Variants in ADNP2 observed in about 807,000 individuals in gnomAD.
The protein encoded by ADNP2 is activity-dependent neuroprotector homeobox protein 2.
Under a neutral mutation model 16.4 loss-of-function variants are expected in ADNP2, and 8 were observed. That is an observed-to-expected ratio of 0.49 (90% CI 0.29 to 0.88). The LOEUF is 0.88. Among genes scored for constraint, ADNP2 ranks in the 40% least tolerant of loss-of-function variants. The pLI, the probability that ADNP2 is intolerant of heterozygous loss-of-function variation, is 0.09. For synonymous variants in ADNP2, 637 were observed against 545.8 expected, an observed-to-expected ratio of 1.17 and a Z score of -2.33; for missense variants, 1,397 against 1,395.1, an observed-to-expected ratio of 1.00 and a Z score of -0.02.
In ADNP2 at chr18:80,109,296, G is replaced by A. The variant is rs958230600; in HGVS notation, c.-190G>A. 1.8e-4 allele frequency: 27 copies of A among 151,830 alleles called. No homozygotes were observed. Among genetic ancestry groups the A allele is most frequent in the African/African-American group, 6.5e-4 (27 of 41,522 alleles). 9.4% of individuals were successfully genotyped at this position (151,830 alleles called of 1,614,324 possible). A position where few individuals can be genotyped will look rare whatever the true frequency, so the allele number is the denominator to read the frequency against. On this transcript the variant is annotated 5_prime_UTR_variant, in exon 1 of 4. Transcript: ENST00000262198. Reference sequence around the variant, plus strand: ...CCATTTTCTCTTTCTGGCTGCGCGGGAGGAGGGGACCAGTCGCGCTGGGGG... The same window carrying A: ...CCATTTTCTCTTTCTGGCTGCGCGGAAGGAGGGGACCAGTCGCGCTGGGGG...
In ADNP2 at chr18:80,117,570, G is replaced by T; in HGVS notation, c.28G>T (p.Asp10Tyr). The T allele has an allele frequency of 1.3e-6, 2 of 1,593,970 alleles. No homozygotes were observed. The highest frequency in any genetic ancestry group is 1.1e-5 in the South Asian group (1 of 87,070). ...GTTTCAAATTCCTGTGGAAAATCTT[G>T]ACAACATCAGAAAGGTGCGAAAAAA... MFQIPVENL[D>Y]NIRKVRKKVK... The change falls in exon 2 of 4, where the codon GAC (aspartate) becomes TAC (tyrosine). Residue 10 changes from aspartate to tyrosine, a missense_variant. Around this residue, in one of 3 missense-constraint regions of ADNP2, gnomAD observed 777 missense variants for 719.4 expected, o/e 1.08. Transcript: ENST00000262198.
intron 2 of ADNP2, among the ~76,000 whole-genome samples, chr18:80,128,474 A>T (rs1006256789): frequency 6.6e-6 from 1 of 151,982 alleles, no homozygotes; most frequent in African/African-American, 2.4e-5. Flanking sequence ...ACATGGTGAA[A>T]CCCCGTCTCT....
chr18:80,121,477 T>C (rs186829650), intron 2 of ADNP2, among the ~76,000 whole-genome samples: 62 of 152,364 alleles, frequency 4.1e-4, no homozygotes, highest in East Asian at 1.9e-4. Flanking sequence ...ATATATTTTC[T>C]TCTACAGGTT....
chr18:80,113,959 C>T (rs11663387), intron 1 of ADNP2, among the ~76,000 whole-genome samples: 27,451 of 151,774 alleles, frequency 0.18, 2,751 homozygotes, highest in Middle Eastern at 0.25. Flanking sequence ...GAGAGGCTGA[C>T]GGGGAGGATT....
chr18:80,109,516 C>T (rs1171179432), intron 1 of ADNP2, 44 bp downstream of exon 1: 1 of 147,820 alleles, frequency 6.8e-6, no homozygotes, highest in Non-Finnish European at 1.5e-5. Context: ...GGCGACGCCC[C>T]CTGCCCCGGT....
Position 80,138,045 on chromosome 18 carries a change from C to G in ADNP2, c.2632C>G (p.Pro878Ala). ...CACCGGCAAGCGAGTGTCCACCTGC[C>G]CCTTTTGCTTTGGCCCCTTTGTGAC... Reference protein sequence around the residue: ...GSTGKRVSTCPFCFGPFVTTE... With the variant: ...GSTGKRVSTCAFCFGPFVTTE... Residue 878 changes from proline to alanine, a missense_variant, in exon 4 of 4, where the codon CCC becomes GCC. By Grantham distance (27) the Pro-to-Ala change is conservative. Transcript: ENST00000262198. 6.2e-7 allele frequency: 1 copy of G among 1,613,826 alleles called. No homozygotes were observed. The highest frequency in any genetic ancestry group is 8.5e-7 in the Non-Finnish European group (1 of 1,180,030).
Position 80,137,331 on chromosome 18 carries a change from C to T in ADNP2, c.1918C>T (p.Pro640Ser). 6.2e-7 allele frequency: 1 copy of T among 1,613,968 alleles called. No homozygotes were observed. The highest frequency in any genetic ancestry group is 8.5e-7 in the Non-Finnish European group (1 of 1,179,926). Residue 640 changes from proline (P) to serine (S), a missense_variant, in exon 4 of 4, where the codon CCC becomes TCC. Physicochemically the swap from Pro to Ser is moderately conservative, Grantham distance 74. Coordinates refer to ENST00000262198, the MANE Select transcript of ADNP2 (RefSeq NM_014913.4). The surrounding 1 kb of genome is among the most constrained non-coding windows in gnomAD (Gnocchi z 4.2). ...GLATVAPPQM[P>S]IQLLPSGAAA... is the part of the protein sequence containing the mutation. ...TGCGACTGTCGCTCCGCCCCAGATG[C>T]CCATCCAGCTCCTGCCGTCAGGTGC...
At chr18:80,130,721 G>A (rs1175415230) in intron 2 of ADNP2, among the ~76,000 whole-genome samples, 1 of 151,684 alleles carries the variant, frequency 6.6e-6, no homozygotes, top group Non-Finnish European at 1.5e-5. Flanking sequence ...TCCCTGTCAT[G>A]TTAGCCACCC....
At chr18:80,123,038 T>C (rs2052434942) in intron 2 of ADNP2, among the ~76,000 whole-genome samples, 1 of 152,174 alleles carries the variant, frequency 6.6e-6, no homozygotes, top group African/African-American at 2.4e-5. Context: ...TTGGATTTTA[T>C]CAGATCCCTT....
intron 2 of ADNP2, among the ~76,000 whole-genome samples, chr18:80,129,533 C>T (rs1022144557): frequency 6.6e-6 from 1 of 152,168 alleles, no homozygotes; most frequent in Non-Finnish European, 1.5e-5. Context: ...CAGAGATGCC[C>T]CTCCTTCCAG....
rs368327429 is a variant in ADNP2, at chr18:80,137,032, C to G, written c.1619C>G (p.Ser540Cys). 6.2e-7 allele frequency: 1 copy of G among 1,614,034 alleles called. No individual in the cohort carries two copies. Among genetic ancestry groups the G allele is most frequent in the African/African-American group, 1.3e-5 (1 of 74,914 alleles). ...GTGCCTGTAAACCAGGGTGTGAATTCTGGTGTTCTGCAGCTTAGTCAGCCT... is the reference window on the plus strand; with the variant it reads ...GTGCCTGTAAACCAGGGTGTGAATTGTGGTGTTCTGCAGCTTAGTCAGCCT... ...AVVPVNQGVN[S>C]GVLQLSQPVV... Residue 540 changes from serine (S) to cysteine (C), a missense_variant, in exon 4 of 4, where the codon TCT becomes TGT. Physicochemically the swap from Ser to Cys is moderately radical, Grantham distance 112 (BLOSUM62 -1). Around this residue, in one of 3 missense-constraint regions of ADNP2, gnomAD observed 777 missense variants for 719.4 expected, o/e 1.08. Transcript: ENST00000262198. The surrounding 1 kb of genome is among the most constrained non-coding windows in gnomAD (Gnocchi z 4.2).
intron 2 of ADNP2, among the ~76,000 whole-genome samples, chr18:80,119,269 C>G (rs951704720): frequency 4.6e-5 from 7 of 151,880 alleles, no homozygotes. Flanking sequence ...CCAATCTGAC[C>G]AATTTACACA....
At position 80,109,339 on chromosome 18, in the gene ADNP2, G is replaced by A. The variant is rs544937314; in HGVS notation, c.-147G>A. On this transcript the variant is annotated 5_prime_UTR_variant, in exon 1 of 4. Coordinates refer to ENST00000262198, the MANE Select transcript of ADNP2 (RefSeq NM_014913.4). ...GCTGGGGGTGGGCGCGCGCTGAGGCGGGGGTCCCGCCGCGCGGGGCGGAGG... is the reference window on the plus strand; with the variant it reads ...GCTGGGGGTGGGCGCGCGCTGAGGCAGGGGTCCCGCCGCGCGGGGCGGAGG... 2 of 150,380 alleles carry A rather than the reference G, an allele frequency of 1.3e-5. No homozygotes were observed. The highest frequency in any genetic ancestry group is 4.8e-5 in the African/African-American group (2 of 41,292). 9.3% of individuals were successfully genotyped at this position (150,380 alleles called of 1,614,324 possible). A position where few individuals can be genotyped will look rare whatever the true frequency, so the allele number is the denominator to read the frequency against.
At chr18:80,114,329 T>C (rs1306619116) in intron 1 of ADNP2, among the ~76,000 whole-genome samples, 1 of 152,172 alleles carries the variant, frequency 6.6e-6, no homozygotes, top group Non-Finnish European at 1.5e-5. Flanking sequence ...ATAATAAAAA[T>C]TTGACATTTT....
rs1171251879 is a variant in ADNP2 at position 80,125,974 on chromosome 18, CAGA to C, written c.109-7123_109-7121del. 2.6e-5 allele frequency among the ~76,000 whole-genome samples: 4 copies of C among 152,130 alleles called. No homozygotes were observed. In the East Asian group the frequency reaches 7.7e-4, roughly 29 times the overall value. On this transcript the variant is annotated intron_variant, in intron 2 of 3. Coordinates refer to ENST00000262198, the MANE Select transcript of ADNP2 (RefSeq NM_014913.4). ...AAACTGTTTATTAACCTGTCCTTTACAGAAGAAGTTTGCCAGTCCTTTTTATTT... is the reference window on the plus strand; with the variant it reads ...AAACTGTTTATTAACCTGTCCTTTACAGAAGTTTGCCAGTCCTTTTTATTT...
intron 2 of ADNP2, among the ~76,000 whole-genome samples, chr18:80,132,313 A>C (rs2052501833): frequency 6.6e-6 from 1 of 152,288 alleles, no homozygotes; most frequent in East Asian, 1.9e-4. Context: ...GGGAGAGAAA[A>C]TGCATGGTTG....
At chr18:80,115,899 C>G (rs1288445897) in intron 1 of ADNP2, among the ~76,000 whole-genome samples, 1 of 152,114 alleles carries the variant, frequency 6.6e-6, no homozygotes, top group Non-Finnish European at 1.5e-5. Flanking sequence ...CCTCAGCCTC[C>G]CGAGTAGCCG....
In ADNP2 at chr18:80,137,942, C is replaced by T. The variant is rs2052553427; in HGVS notation, c.2529C>T (p.Ile843=). 1.2e-6 allele frequency: 2 copies of T among 1,613,328 alleles called. No homozygotes were observed. The highest frequency in any genetic ancestry group is 8.5e-7 in the Non-Finnish European group (1 of 1,180,018). ...KLGEREVYLA[I]LAGIHSKSLV... ...GGGAGCGGGAAGTCTACTTGGCAATCCTGGCTGGGATACACTCCAAGTCAC... is the reference window on the plus strand; with the variant it reads ...GGGAGCGGGAAGTCTACTTGGCAATTCTGGCTGGGATACACTCCAAGTCAC... Residue 843 remains isoleucine, a synonymous_variant, in exon 4 of 4, where the codon ATC becomes ATT. Coordinates refer to ENST00000262198, the MANE Select transcript of ADNP2 (RefSeq NM_014913.4). This position sits in a 1 kb window ranked among gnomAD's most constrained non-coding sequence, Gnocchi z 4.2.
intron 1 of ADNP2, among the ~76,000 whole-genome samples, 197 bp from the exon 2 acceptor site, chr18:80,117,333 C>G (rs968788323): frequency 3.9e-5 from 6 of 152,044 alleles, no homozygotes; most frequent in African/African-American, 1.5e-4. Flanking sequence ...GTGTGTGATC[C>G]ACTTTTGAGT....
Sources: gnomAD v4.1 joint callset for allele counts (sites outside exome capture counted in the v4.1 genomes callset) on GRCh38, gnomAD v4.1.1 for gene constraint, gnomAD v4.1.1 regional missense constraint, Gnocchi (gnomAD v3.1) non-coding constraint, MANE v1.5 for transcripts, NCBI Gene and HGNC (gene_info 2026-07-23, HGNC 2026-07-21) for gene names.